The following LIPC variants were observed in gnomAD, a reference collection of about 807,000 sequenced individuals.
The protein encoded by LIPC is hepatic triacylglycerol lipase.
Under a neutral mutation model 50.7 loss-of-function variants are expected in LIPC, and 44 were observed. The ratio of observed to expected loss-of-function variants is 0.87; its 90% CI spans 0.68 to 1.11. The LOEUF is 1.11. LIPC is among the 50% of genes most tolerant of loss of function. The pLI is 0.00. For synonymous variants in LIPC, 271 were observed against 256.4 expected (o/e 1.06, Z -0.54); for missense variants, 697 against 648.2 (o/e 1.08, Z -0.82).
chr15:58,510,055 C>T (rs1442983040), intron 1 of LIPC, among the ~76,000 whole-genome samples: 4 of 152,104 alleles, frequency 2.6e-5, no homozygotes, highest in South Asian at 2.1e-4. Flanking sequence ...AATGTACATG[C>T]GCAGAATTGT....
chr15:58,471,126 TCTTTTC>T, intron 1 of LIPC, among the ~76,000 whole-genome samples: 1 of 149,482 alleles, frequency 6.7e-6, no homozygotes, highest in Admixed American at 6.7e-5. Flanking sequence ...ATTTTTTTTT[TCTTTTC>T]TCTTTTTTTT....
rs780744817 is a variant in LIPC at position 58,567,200 on chromosome 15, C to CA, written c.1389-1508dup. On this transcript the variant is annotated intron_variant, in intron 8 of 8. Transcript: ENST00000299022. ...CTGGCGACAGAGCGAGACTCCGTCTCAAAAAAAATAAAAAATATATATATA... is the reference window on the plus strand; with the variant it reads ...CTGGCGACAGAGCGAGACTCCGTCTCAAAAAAAAATAAAAAATATATATATA... 2.5e-3 allele frequency among the ~76,000 whole-genome samples: 224 copies of CA among 88,602 alleles called. 7 individuals carry two copies. Among genetic ancestry groups the CA allele is most frequent in the South Asian group, 9.7e-3 (28 of 2,894 alleles). The allele number at this position is 88,602 out of a possible 152,430, so 58.1% of individuals were successfully genotyped here. A position where few individuals can be genotyped will look rare whatever the true frequency, so the allele number is the denominator to read the frequency against.
chr15:58,449,631 A>C (rs1595857683), intron 1 of LIPC, among the ~76,000 whole-genome samples: 1 of 151,258 alleles, frequency 6.6e-6, no homozygotes. Flanking sequence ...CTTACTGCAA[A>C]CTCCGCCTCC....
At chr15:58,490,830 AT>A (rs1891561610) in intron 1 of LIPC, among the ~76,000 whole-genome samples, 1 of 152,110 alleles carries the variant, frequency 6.6e-6, no homozygotes. Context: ...CCAGCCAGTT[AT>A]TAGGGAGGAG....
intron 1 of LIPC, among the ~76,000 whole-genome samples, chr15:58,516,228 C>G (rs556884943): frequency 1.9e-4 from 27 of 142,580 alleles, no homozygotes; most frequent in African/African-American, 7.0e-4. Flanking sequence ...GACTTTTTAC[C>G]TCTAGCTTCT....
Position 58,432,018 on chromosome 15 carries a change from G to C in LIPC, c.-15G>C. ...AAATTACCAAGAAAGCCTGGACCCC[G>C]GGTGAAACGGAGAAATGGACACAAG... On this transcript the variant is annotated 5_prime_UTR_variant, in exon 1 of 9. Transcript: ENST00000299022. 1.3e-6 allele frequency: 2 copies of C among 1,598,972 alleles called. No individual in the cohort carries two copies. The highest frequency in any genetic ancestry group is 1.1e-5 in the South Asian group (1 of 90,768).
At chr15:58,492,927 TC>T (rs1369429312) in intron 1 of LIPC, among the ~76,000 whole-genome samples, 1 of 152,062 alleles carries the variant, frequency 6.6e-6, no homozygotes, top group Non-Finnish European at 1.5e-5. Flanking sequence ...GAGCTTATTT[TC>T]CCCCGTATGC....
At chr15:58,523,248 A>T (rs1892706755) in intron 1 of LIPC, 1 of 152,348 alleles carries the variant, frequency 6.6e-6, no homozygotes, top group African/African-American at 2.4e-5. Context: ...CTGCCGAGTC[A>T]GTTCTGCCAG....
At chr15:58,549,453 C>G (rs1488764747) in intron 6 of LIPC, among the ~76,000 whole-genome samples, 2 of 152,182 alleles carry the variant, frequency 1.3e-5, no homozygotes, top group Non-Finnish European at 2.9e-5. Flanking sequence ...ACAAAACATT[C>G]GATGCAGCCA....
chr15:58,474,377 GCTTGATGGTCCC>G (rs1890910600), intron 1 of LIPC, among the ~76,000 whole-genome samples: 1 of 152,024 alleles, frequency 6.6e-6, no homozygotes, highest in Non-Finnish European at 1.5e-5. Flanking sequence ...ATTTAGCTGG[GCTTGATGGTCCC>G]ACCTGTGGTC....
chr15:58,517,626 CCA>C (rs762119670), intron 1 of LIPC, among the ~76,000 whole-genome samples: 37 of 152,156 alleles, frequency 2.4e-4, no homozygotes, highest in Non-Finnish European at 5.0e-4. Context: ...AGCTCCTTTC[CCA>C]CACAAATGTG....
intron 1 of LIPC, among the ~76,000 whole-genome samples, chr15:58,505,937 A>T (rs1049547103): frequency 1.1e-4 from 16 of 152,080 alleles, no homozygotes; most frequent in African/African-American, 3.6e-4. Flanking sequence ...CCCTCCTCAC[A>T]AGAGGCGGCT....
At position 58,467,275 on chromosome 15, in the gene LIPC, G is replaced by A. The variant is rs543423652; in HGVS notation, c.88+35155G>A. Reference sequence around the variant, plus strand: ...CTGACCGTAGGCTCTTGTTCACAGCGGCCAAAACGTGCATGTCTCTCAGGG... The same window carrying A: ...CTGACCGTAGGCTCTTGTTCACAGCAGCCAAAACGTGCATGTCTCTCAGGG... On this transcript the variant is annotated intron_variant, in intron 1 of 8. Coordinates refer to ENST00000299022, the MANE Select transcript of LIPC (RefSeq NM_000236.3). Among the ~76,000 whole-genome samples, 38 of 152,232 alleles carry A rather than the reference G, an allele frequency of 2.5e-4. No individual in the cohort carries two copies. The South Asian group carries it at 7.5e-3, about 30-fold the overall frequency.
intron 6 of LIPC, among the ~76,000 whole-genome samples, chr15:58,549,090 C>T (rs976335695): frequency 6.6e-6 from 1 of 152,154 alleles, no homozygotes; most frequent in Non-Finnish European, 1.5e-5. Flanking sequence ...CCAGTGTTTC[C>T]CAGCCAGATT....
intron 7 of LIPC, 76 bp from the exon 8 acceptor site, chr15:58,563,429 C>G: frequency 8.2e-7 from 1 of 1,222,472 alleles, no homozygotes. Flanking sequence ...AAACACAACA[C>G]ATCCTGAATG....
At chr15:58,453,756 C>G (rs1340144161) in intron 1 of LIPC, among the ~76,000 whole-genome samples, 1 of 151,726 alleles carries the variant, frequency 6.6e-6, no homozygotes, top group Non-Finnish European at 1.5e-5. Flanking sequence ...AAAAAATCAG[C>G]CAGGCCTGGT....
intron 8 of LIPC, among the ~76,000 whole-genome samples, chr15:58,568,246 G>A (rs572210586): frequency 5.6e-4 from 85 of 152,300 alleles, no homozygotes; most frequent in African/African-American, 2.0e-3. Flanking sequence ...GGCAGAAACC[G>A]ATGACACTGG....
intron 7 of LIPC, among the ~76,000 whole-genome samples, chr15:58,562,045 G>T (rs1894183208): frequency 6.6e-6 from 1 of 152,310 alleles, no homozygotes; most frequent in Admixed American, 6.5e-5. Context: ...ACCTGAGCTA[G>T]CTCTTACCTA....
rs1184397781 is a variant in LIPC, at chr15:58,568,803, A to G, written c.1476A>G (p.Lys492=). 1 of 1,603,604 alleles carries G rather than the reference A, an allele frequency of 6.2e-7. No homozygotes were observed. The change falls in exon 9 of 9, where the codon AAA becomes AAG. Residue 492 remains lysine, a synonymous_variant. Transcript: ENST00000299022. The part of the protein sequence containing the change: ...KIFVKCEIKS[K]TSKRKIR ...TCGTGAAATGTGAAATAAAGTCTAA[A>G]ACATCAAAGCGAAAGATCAGATGAG...
Sources: allele counts gnomAD v4.1 joint callset (sites outside exome capture counted in the v4.1 genomes callset), GRCh38; gene constraint gnomAD v4.1.1; transcripts MANE v1.5; gene names NCBI Gene and HGNC (gene_info 2026-07-23, HGNC 2026-07-21).